UTRN: variants seen among roughly 807,000 people sequenced by gnomAD.
UTRN encodes utrophin, also known as dystrophin-related protein 1.
UTRN carries 283 observed loss-of-function variants against 463.9 expected under a neutral mutation model. The ratio of observed to expected loss-of-function variants is 0.61; its 90% CI spans 0.55 to 0.67. UTRN has a LOEUF of 0.67. Among genes scored for constraint, UTRN ranks in the 30% least tolerant of loss-of-function variants. The probability of loss-of-function intolerance (pLI) is 0.00; values close to 1 mark genes in which losing one functional copy is unlikely to be tolerated. For synonymous variants in UTRN, 1,442 were observed against 1,431.5 expected (o/e 1.01, Z -0.17); for missense variants, 3,922 against 4,084.3 (o/e 0.96, Z 1.08).
rs9403617 is a variant in UTRN, at chr6:144,846,842, C to T, written c.10293+15C>T. On this transcript the variant is annotated intron_variant, in intron 74 of 74. Coordinates refer to ENST00000367545, the MANE Select transcript of UTRN (RefSeq NM_007124.3). ...GCAGGCCACAGGTAAGAGTTAATGGCTTGGTTGGCTCTATGTTACTGATCC... is the reference window on the plus strand; with the variant it reads ...GCAGGCCACAGGTAAGAGTTAATGGTTTGGTTGGCTCTATGTTACTGATCC... 1.2e-6 allele frequency: 2 copies of T among 1,613,886 alleles called. No individual in the cohort carries two copies. Among genetic ancestry groups the T allele is most frequent in the Admixed American group, 3.3e-5 (2 of 60,014 alleles).
At chr6:144,480,311 TG>T (rs951536558) in intron 26 of UTRN, among the ~76,000 whole-genome samples, 11 of 152,230 alleles carry the variant, frequency 7.2e-5, no homozygotes, top group African/African-American at 2.6e-4. Flanking sequence ...TTTTTTTAAT[TG>T]GGGTAAATAC....
At chr6:144,666,344 T>G (rs1392298292) in intron 51 of UTRN, among the ~76,000 whole-genome samples, 3 of 152,202 alleles carry the variant, frequency 2.0e-5, no homozygotes, top group Non-Finnish European at 4.4e-5. Context: ...GTTCCCCCAT[T>G]AAACTTTTCA....
At chr6:144,736,690 C>T (rs956566174) in intron 54 of UTRN, among the ~76,000 whole-genome samples, 4 of 152,082 alleles carry the variant, frequency 2.6e-5, no homozygotes, top group East Asian at 1.9e-4. Context: ...AAAAACTGCC[C>T]GTAGTGCATG....
chr6:144,293,550 C>T (rs1804430558), intron 2 of UTRN, among the ~76,000 whole-genome samples: 1 of 151,974 alleles, frequency 6.6e-6, no homozygotes, highest in Non-Finnish European at 1.5e-5. Context: ...GAGTTTTTCC[C>T]TAGGCAATAC....
At chr6:144,829,905 C>T (rs1298048289) in intron 69 of UTRN, among the ~76,000 whole-genome samples, 1 of 152,022 alleles carries the variant, frequency 6.6e-6, no homozygotes, top group Non-Finnish European at 1.5e-5. Flanking sequence ...GAGATTTATA[C>T]ATTATCATTC....
In UTRN at chr6:144,403,382, C is replaced by T. The variant is rs150903458; in HGVS notation, c.141+198C>T. Among the ~76,000 whole-genome samples the T allele has an allele frequency of 1.0e-2, 1,521 of 152,172 alleles. 10 individuals are homozygous for T. Among genetic ancestry groups the T allele is most frequent in the Middle Eastern group, 0.017 (5 of 294 alleles). On this transcript the variant is annotated intron_variant, in intron 3 of 74. Transcript: ENST00000367545. ...ATTCTCATGCACATAGTTTATGGGA[C>T]GCTATTGACTTTTACCTGGCCTTCT...
At position 144,548,735 on chromosome 6, in the gene UTRN, C is replaced by G; in HGVS notation, c.6691C>G (p.Leu2231Val). Residue 2231 changes from leucine (L) to valine (V), a missense_variant, in exon 47 of 75, where the codon CTT becomes GTT. Around this residue, in one of 3 missense-constraint regions of UTRN, gnomAD observed 2,349 missense variants for 2,303.8 expected, o/e 1.02. Transcript: ENST00000367545. The stretch of plus-strand genomic sequence containing the variant: ...TTCGGAAATTTCAATTCCTGCTGAT[C>G]TTGATAAAACTATAACAGAACTAGC... ...RTSEISIPAD[L>V]DKTITELADW... is the part of the protein sequence containing the mutation. 2 of 1,614,036 alleles carry G rather than the reference C, an allele frequency of 1.2e-6. No individual in the cohort carries two copies. The highest frequency in any genetic ancestry group is 1.7e-6 in the Non-Finnish European group (2 of 1,179,946).
intron 2 of UTRN, among the ~76,000 whole-genome samples, chr6:144,351,833 C>G (rs1384880016): frequency 1.3e-5 from 2 of 152,176 alleles, no homozygotes; most frequent in East Asian, 1.9e-4. Flanking sequence ...AGGCACCTTG[C>G]ACAGATTCTT....
At position 144,664,931 on chromosome 6, in the gene UTRN, G is replaced by A. The variant is rs1050950083; in HGVS notation, c.7480-13475G>A. Among the ~76,000 whole-genome samples the A allele has an allele frequency of 5.9e-5, 9 of 151,604 alleles. No individual in the cohort carries two copies. In the South Asian group the frequency reaches 6.3e-4, roughly 11 times the overall value. ...CCTCATTTTCAAAACCTAAAGCTCT[G>A]GCAGTAATCCTGCTGAGCTCCTGAT... is the stretch of plus-strand genomic sequence containing the variant. On this transcript the variant is annotated intron_variant, in intron 51 of 74. Coordinates refer to ENST00000367545, the MANE Select transcript of UTRN (RefSeq NM_007124.3).
chr6:144,555,058 G>A lies in UTRN; in HGVS notation c.7134+165G>A, dbSNP rs201441104. 5.3e-4 allele frequency among the ~76,000 whole-genome samples: 80 copies of A among 151,658 alleles called. No homozygotes were observed. In the East Asian group the frequency reaches 0.013, roughly 25 times the overall value. On this transcript the variant is annotated intron_variant, in intron 49 of 74. Transcript: ENST00000367545. ...GAATTTGATCTGGAAGATTTTTTTC[G>A]AAAAATTTCTGGAGGCATAACAAGT...
chr6:144,583,519 G>A (rs17793810), intron 51 of UTRN: 117,821 of 714,062 alleles, frequency 0.17, 10,874 homozygotes, highest in Admixed American at 0.27. Flanking sequence ...TGGTGAGAAC[G>A]TCTCTGCAGA....
chr6:144,363,198 T>C (rs1779227039), intron 2 of UTRN, among the ~76,000 whole-genome samples: 1 of 152,226 alleles, frequency 6.6e-6, no homozygotes, highest in Non-Finnish European at 1.5e-5. Context: ...AGAACTGTAT[T>C]ATTTGCTTCT....
intron 47 of UTRN, 25 bp from the exon 48 acceptor site, chr6:144,550,940 C>G (rs1798853859): frequency 6.4e-7 from 1 of 1,558,782 alleles, no homozygotes; most frequent in Admixed American, 2.1e-5. Flanking sequence ...ATTAACCTAT[C>G]CGAATAATCA....
intron 3 of UTRN, among the ~76,000 whole-genome samples, chr6:144,410,009 G>T (rs988633312): frequency 2.6e-5 from 4 of 152,144 alleles, no homozygotes; most frequent in African/African-American, 4.8e-5. Flanking sequence ...AACTAGATGT[G>T]CCTTGTTGTG....
intron 46 of UTRN, among the ~76,000 whole-genome samples, chr6:144,547,263 A>G (rs974483661): frequency 6.6e-6 from 1 of 152,158 alleles, no homozygotes; most frequent in Non-Finnish European, 1.5e-5. Context: ...TAGAAAAAGT[A>G]TTTTGGCTAT....
At chr6:144,417,841 G>A (rs2114836913) in intron 3 of UTRN, among the ~76,000 whole-genome samples, 1 of 152,236 alleles carries the variant, frequency 6.6e-6, no homozygotes, top group Middle Eastern at 3.4e-3. Context: ...GTCATCATAT[G>A]ACATATTAAT....
At chr6:144,641,628 T>C (rs994854300) in intron 51 of UTRN, among the ~76,000 whole-genome samples, 1 of 152,178 alleles carries the variant, frequency 6.6e-6, no homozygotes, top group Non-Finnish European at 1.5e-5. Flanking sequence ...GAGTTTTATT[T>C]TGGGTTTACA....
At chr6:144,778,233 G>A (rs991266854) in intron 60 of UTRN, among the ~76,000 whole-genome samples, 4 of 152,166 alleles carry the variant, frequency 2.6e-5, no homozygotes, top group African/African-American at 9.7e-5. Context: ...GATTTTTAAG[G>A]CTGCCTGAGG....
chr6:144,717,314 G>A (rs1190879977), intron 53 of UTRN, among the ~76,000 whole-genome samples: 1 of 152,200 alleles, frequency 6.6e-6, no homozygotes, highest in East Asian at 1.9e-4. Context: ...TGATGTTTGG[G>A]TTAGTCATGC....
Sources: allele counts gnomAD v4.1 joint callset (sites outside exome capture counted in the v4.1 genomes callset), GRCh38; gene constraint gnomAD v4.1.1; regional missense constraint gnomAD v4.1.1; transcripts MANE v1.5; gene names NCBI Gene and HGNC (gene_info 2026-07-23, HGNC 2026-07-21).